The following ARMC2 variants were observed in gnomAD, a reference collection of about 807,000 sequenced individuals.
ARMC2 encodes armadillo repeat containing 2.
A neutral mutation model predicts 90.3 loss-of-function variants in ARMC2; 67 were observed. The ratio of observed to expected loss-of-function variants is 0.74; its 90% CI spans 0.61 to 0.91. ARMC2 has a LOEUF of 0.91. Among genes scored for constraint, ARMC2 ranks in the 40% least tolerant of loss-of-function variants. ARMC2 has a pLI of 0.00. For synonymous variants in ARMC2, 393 were observed against 393.0 expected (o/e 1.00, Z 0.00); for missense variants, 920 against 1,030.9 (o/e 0.89, Z 1.47).
intron 10 of ARMC2, chr6:108,924,143 C>T (rs931242736): frequency 6.6e-6 from 1 of 152,228 alleles, no homozygotes; most frequent in Non-Finnish European, 1.5e-5. Context: ...GCTTTGGTAA[C>T]ACGGAAGAGG....
At chr6:108,852,256 A>G (rs989987690) in intron 1 of ARMC2, among the ~76,000 whole-genome samples, 1 of 152,222 alleles carries the variant, frequency 6.6e-6, no homozygotes, top group East Asian at 1.9e-4. Flanking sequence ...CACATGTATT[A>G]TTAAATATTT....
At chr6:108,893,732 A>G (rs1771325427) in intron 5 of ARMC2, among the ~76,000 whole-genome samples, 1 of 152,216 alleles carries the variant, frequency 6.6e-6, no homozygotes, top group African/African-American at 2.4e-5. Context: ...AGCAGCATAT[A>G]GAGGCCAGGG....
chr6:108,855,926 GAATT>G (rs141181834), intron 2 of ARMC2, among the ~76,000 whole-genome samples: 4,310 of 152,254 alleles, frequency 0.028, 172 homozygotes, highest in African/African-American at 0.083. Context: ...TGAATTTTAA[GAATT>G]ATTTATGTAT....
chr6:109,027,476 C>CA, the ARMC2 span, among the ~76,000 whole-genome samples: 1,807 of 27,218 alleles, frequency 0.066, 290 homozygotes, highest in African/African-American at 0.14. Flanking sequence ...GACTCTGTCT[C>CA]AAAAAAAAAA....
chr6:108,922,230 T>A (rs1258828727), intron 10 of ARMC2, among the ~76,000 whole-genome samples: 5 of 151,948 alleles, frequency 3.3e-5, no homozygotes, highest in Non-Finnish European at 1.5e-5. Context: ...CTGTGTTGTG[T>A]CCTCAAGTCC....
intron 12 of ARMC2, among the ~76,000 whole-genome samples, chr6:108,945,651 G>A (rs896890481): frequency 1.8e-4 from 28 of 152,222 alleles, no homozygotes; most frequent in African/African-American, 5.1e-4. Context: ...ATAGGCATAA[G>A]CTGCTGTCTT....
chr6:109,043,019 A>G, the ARMC2 span, among the ~76,000 whole-genome samples: 4 of 152,150 alleles, frequency 2.6e-5, no homozygotes, highest in African/African-American at 9.6e-5. Context: ...GATTTATTCC[A>G]GGAATGCATG....
At chr6:109,022,886 A>G in the ARMC2 span, among the ~76,000 whole-genome samples, 2 of 152,206 alleles carry the variant, frequency 1.3e-5, no homozygotes, top group Non-Finnish European at 2.9e-5. Flanking sequence ...CTACTATACC[A>G]TAATGCTGCC....
intron 8 of ARMC2, among the ~76,000 whole-genome samples, chr6:108,906,819 T>A (rs997927082): frequency 1.3e-5 from 2 of 152,080 alleles, no homozygotes; most frequent in Non-Finnish European, 2.9e-5. Flanking sequence ...TACAAGTGAA[T>A]AAACTAGCTC....
At chr6:108,852,503 C>T (rs1774112220) in intron 1 of ARMC2, among the ~76,000 whole-genome samples, 1 of 152,044 alleles carries the variant, frequency 6.6e-6, no homozygotes, top group African/African-American at 2.4e-5. Context: ...CCTATATGCC[C>T]CCAGGTAATT....
chr6:108,939,182 C>T (rs192681910), intron 12 of ARMC2, among the ~76,000 whole-genome samples: 68 of 152,266 alleles, frequency 4.5e-4, no homozygotes, highest in Non-Finnish European at 8.4e-4. Context: ...CTAATTTTCA[C>T]GTTAGACCAA....
Position 108,868,805 on chromosome 6 carries a change from T to TA in ARMC2, c.292-12dup, listed in dbSNP as rs774041490. On this transcript the variant is annotated intron_variant, in intron 3 of 17. Coordinates refer to ENST00000392644, the MANE Select transcript of ARMC2 (RefSeq NM_032131.6). ...GACGCAGAAAGTCATTCCAGTTATT[T>TA]AAAAAAATCTCTTTCCAGAAACCGA... 3.7e-5 allele frequency: 60 copies of TA among 1,610,602 alleles called. No individual in the cohort carries two copies. Among genetic ancestry groups the TA allele is most frequent in the Non-Finnish European group, 4.9e-5 (58 of 1,178,416 alleles).
intron 8 of ARMC2, among the ~76,000 whole-genome samples, chr6:108,907,449 T>C (rs1041725465): frequency 3.1e-5 from 4 of 127,174 alleles, no homozygotes; most frequent in African/African-American, 1.4e-4. Context: ...TCTTCTGTTT[T>C]CTTTCTTTCT....
chr6:108,973,439 T>A lies in ARMC2; in HGVS notation c.2529T>A (p.Pro843=). The change falls in exon 18 of 18, where the codon CCT becomes CCA. Residue 843 remains proline (P), a synonymous_variant. Coordinates refer to ENST00000392644, the MANE Select transcript of ARMC2 (RefSeq NM_032131.6). The part of the protein sequence containing the change: ...HKLHWETEFK[P]VAQQLLNRIQ... ...TCCATTGGGAAACAGAATTCAAACCTGTGGCACAGCAGCTTCTAAACCGAA... is the reference window on the plus strand; with the variant it reads ...TCCATTGGGAAACAGAATTCAAACCAGTGGCACAGCAGCTTCTAAACCGAA... 6.2e-7 allele frequency: 1 copy of A among 1,613,912 alleles called. No homozygotes were observed. Among genetic ancestry groups the A allele is most frequent in the Non-Finnish European group, 8.5e-7 (1 of 1,179,816 alleles).
chr6:108,892,486 G>A (rs538335219), intron 5 of ARMC2, among the ~76,000 whole-genome samples: 326 of 152,082 alleles, frequency 2.1e-3, no homozygotes, highest in Non-Finnish European at 3.9e-3. Flanking sequence ...GCTGGTGGGC[G>A]CCATGGCTCA....
At chr6:108,937,938 C>T (rs975324354) in intron 12 of ARMC2, among the ~76,000 whole-genome samples, 4 of 152,022 alleles carry the variant, frequency 2.6e-5, no homozygotes, top group Admixed American at 6.6e-5. Flanking sequence ...CCTCATGATC[C>T]GCCCACCTTG....
chr6:108,865,238 C>T (rs1775697106), intron 3 of ARMC2, among the ~76,000 whole-genome samples: 1 of 152,158 alleles, frequency 6.6e-6, no homozygotes, highest in Non-Finnish European at 1.5e-5. Flanking sequence ...CCGCCTCAGC[C>T]TCCCAAAGTG....
In ARMC2 at chr6:108,909,558, C is replaced by T. The variant is rs968615269; in HGVS notation, c.1024-1341C>T. ...TCTTTTCTTTTTTTATTTTTTGACA[C>T]GGGGTCTCACTCTGTCACCCAAGCT... On this transcript the variant is annotated intron_variant, in intron 8 of 17. Coordinates refer to ENST00000392644, the MANE Select transcript of ARMC2 (RefSeq NM_032131.6). Among the ~76,000 whole-genome samples the T allele has an allele frequency of 4.0e-5, 6 of 151,860 alleles. No homozygotes were observed. In the South Asian group the frequency reaches 6.2e-4, roughly 16 times the overall value.
chr6:108,867,546 C>T (rs944007749), intron 3 of ARMC2, among the ~76,000 whole-genome samples: 5 of 152,006 alleles, frequency 3.3e-5, no homozygotes, highest in African/African-American at 1.2e-4. Flanking sequence ...GCAGGTGGCT[C>T]ACCTGAGGTC....
Sources: allele counts gnomAD v4.1 joint callset (sites outside exome capture counted in the v4.1 genomes callset), GRCh38; gene constraint gnomAD v4.1.1; transcripts MANE v1.5; gene names NCBI Gene and HGNC (gene_info 2026-07-23, HGNC 2026-07-21).